COL11A1: variants seen among roughly 807,000 people sequenced by gnomAD.
The protein encoded by COL11A1 is collagen type XI alpha 1 chain.
A neutral mutation model predicts 265.2 loss-of-function variants in COL11A1; 74 were observed. That is an observed-to-expected ratio of 0.28 (90% confidence interval 0.23 to 0.34). The LOEUF (loss-of-function observed/expected upper bound fraction) is 0.34. COL11A1 is among the 10% of genes least tolerant of loss of function. COL11A1 has a pLI of 1.00. For missense variants in COL11A1, 2,165 were observed against 2,263.6 expected (o/e 0.96, Z 0.88); for synonymous variants, 816 against 727.6 (o/e 1.12, Z -1.96).
At chr1:103,008,770 T>A (rs1348077043) in intron 14 of COL11A1, among the ~76,000 whole-genome samples, 1 of 152,200 alleles carries the variant, frequency 6.6e-6, no homozygotes. Context: ...GCTAACCTCA[T>A]GAAATCACAT....
At chr1:103,107,279 TC>T (rs1280572839) in intron 1 of COL11A1, among the ~76,000 whole-genome samples, 2 of 96,916 alleles carry the variant, frequency 2.1e-5, no homozygotes, top group African/African-American at 7.6e-5. Context: ...CCACACCCCC[TC>T]CCCTTCCCTC....
chr1:102,891,324 C>T (rs574195459), intron 57 of COL11A1, among the ~76,000 whole-genome samples: 17 of 152,142 alleles, frequency 1.1e-4, no homozygotes, highest in Non-Finnish European at 2.2e-4. Context: ...CAAGATGGTA[C>T]TTTCAGCTGT....
At chr1:102,889,183 T>C (rs1007440498) in intron 59 of COL11A1, among the ~76,000 whole-genome samples, 1 of 152,164 alleles carries the variant, frequency 6.6e-6, no homozygotes, top group African/African-American at 2.4e-5. Flanking sequence ...CCTTTATCCC[T>C]CAGAATATGA....
At position 102,974,712 on chromosome 1, in the gene COL11A1, G is replaced by A. The variant is rs1662297069; in HGVS notation, c.2808+118C>T. On this transcript the variant is annotated intron_variant, in intron 36 of 66. Coordinates refer to ENST00000370096, the MANE Select transcript of COL11A1 (RefSeq NM_001854.4). Reference sequence around the variant, plus strand: ...ATGTCTACTTTCTTTGACATCAATTGTAATTTTACAGAGATTTTATCAATA... The same window carrying A: ...ATGTCTACTTTCTTTGACATCAATTATAATTTTACAGAGATTTTATCAATA... 3 of 763,572 alleles carry A rather than the reference G, an allele frequency of 3.9e-6. No individual in the cohort carries two copies. In the South Asian group the frequency reaches 5.1e-5, roughly 13 times the overall value. The allele number at this position is 763,572 out of a possible 1,614,324, so 47.3% of individuals were successfully genotyped here.
intron 4 of COL11A1, among the ~76,000 whole-genome samples, chr1:103,042,092 C>A (rs1009638099): frequency 3.3e-5 from 5 of 151,948 alleles, no homozygotes; most frequent in Non-Finnish European, 4.4e-5. Flanking sequence ...ATTTTAACAG[C>A]CAGGTTACTT....
chr1:103,016,728 A>G (rs905127617), intron 11 of COL11A1, among the ~76,000 whole-genome samples: 4 of 152,022 alleles, frequency 2.6e-5, no homozygotes, highest in Non-Finnish European at 5.9e-5. Flanking sequence ...GCAAAATTAT[A>G]TTTTATTTAG....
chr1:102,998,838 T>G (rs536117028), intron 24 of COL11A1, among the ~76,000 whole-genome samples: 1 of 151,894 alleles, frequency 6.6e-6, no homozygotes, highest in Non-Finnish European at 1.5e-5. Flanking sequence ...TAGTTATTCA[T>G]AGGAAATGAA....
intron 54 of COL11A1, among the ~76,000 whole-genome samples, chr1:102,910,679 T>C (rs1300191607): frequency 6.6e-6 from 1 of 152,126 alleles, no homozygotes; most frequent in Admixed American, 6.6e-5. Flanking sequence ...TGATTTTTTT[T>C]TTTATTGTGT....
At chr1:103,040,571 G>A (rs6700031) in intron 4 of COL11A1, among the ~76,000 whole-genome samples, 141,815 of 151,500 alleles carry the variant, frequency 0.94, 66,613 homozygotes, top group East Asian at 1. Flanking sequence ...TTCTTTAAAT[G>A]ATTAACATTT....
At position 102,882,178 on chromosome 1, in the gene COL11A1, A is replaced by G. The variant is rs962500446; in HGVS notation, c.4972-413T>C. Among the ~76,000 whole-genome samples the G allele has an allele frequency of 4.6e-5, 7 of 152,106 alleles. No homozygotes were observed. In the East Asian group the frequency reaches 1.2e-3, roughly 25 times the overall value. Reference sequence around the variant, plus strand: ...CCAAGGAACATGTTTGAAAGTATTTAGCCAGTAGCTAAGGAGATATACTGT... The same window carrying G: ...CCAAGGAACATGTTTGAAAGTATTTGGCCAGTAGCTAAGGAGATATACTGT... On this transcript the variant is annotated intron_variant, in intron 64 of 66. Transcript: ENST00000370096.
At chr1:102,999,711 A>G (rs1664943077) in intron 24 of COL11A1, among the ~76,000 whole-genome samples, 2 of 151,914 alleles carry the variant, frequency 1.3e-5, no homozygotes, top group African/African-American at 4.8e-5. Flanking sequence ...AAAACATATG[A>G]CATTAGTTAA....
chr1:103,050,123 T>C (rs1379346004), intron 4 of COL11A1, among the ~76,000 whole-genome samples: 3 of 152,208 alleles, frequency 2.0e-5, no homozygotes, highest in Admixed American at 6.5e-5. Flanking sequence ...GTTCTCTGTA[T>C]TTCCTAAATT....
intron 41 of COL11A1, among the ~76,000 whole-genome samples, chr1:102,959,993 T>C (rs1030495968): frequency 6.6e-6 from 1 of 152,198 alleles, no homozygotes; most frequent in African/African-American, 2.4e-5. Flanking sequence ...TGCATTTTAC[T>C]GAAATTTTAG....
chr1:103,031,990 T>G (rs1668033699), intron 4 of COL11A1, among the ~76,000 whole-genome samples: 1 of 128,594 alleles, frequency 7.8e-6, no homozygotes, highest in African/African-American at 3.1e-5. Flanking sequence ...TTTTGGAAAC[T>G]GCAAACAAGA....
Position 103,015,669 on chromosome 1 carries a change from G to T in COL11A1, c.1487C>A (p.Pro496Gln). 4 of 1,603,196 alleles carry T rather than the reference G, an allele frequency of 2.5e-6. No homozygotes were observed. Among genetic ancestry groups the T allele is most frequent in the Non-Finnish European group, 3.4e-6 (4 of 1,173,192 alleles). Reference protein sequence around the residue: ...PGPPGTMLMLPFRYGGDGSKG... With the variant: ...PGPPGTMLMLQFRYGGDGSKG... ...TCTATAACATAAAAAAGAACATACC[G>T]GTAACATCAACATAGTACCAGGAGG... Residue 496 changes from proline to glutamine, a missense_variant and splice_region_variant, in exon 12 of 67, where the codon CCG becomes CAG. Coordinates refer to ENST00000370096, the MANE Select transcript of COL11A1 (RefSeq NM_001854.4).
chr1:102,933,164 T>C (rs375181668), intron 46 of COL11A1, among the ~76,000 whole-genome samples: 79 of 149,080 alleles, frequency 5.3e-4, no homozygotes, highest in Middle Eastern at 3.4e-3. Context: ...GGAGGAGAGG[T>C]GCTCTGCTTT....
chr1:103,070,571 AG>A (rs779491877), intron 4 of COL11A1, among the ~76,000 whole-genome samples: 27 of 151,954 alleles, frequency 1.8e-4, no homozygotes, highest in Non-Finnish European at 3.7e-4. Flanking sequence ...GAATTAAAAA[AG>A]ATGATAAGGA....
intron 9 of COL11A1, among the ~76,000 whole-genome samples, chr1:103,019,825 G>A (rs904214315): frequency 6.7e-6 from 1 of 148,860 alleles, no homozygotes; most frequent in Non-Finnish European, 1.5e-5. Context: ...ACCTATGAGT[G>A]AGAATACGCA....
chr1:102,997,041 T>C lies in COL11A1; in HGVS notation c.2241+39A>G, dbSNP rs184767366. ...AATTAAGGCATTTTCTCTTGGAAAT[T>C]TATTAATAGGACATTTAAATGGATA... On this transcript the variant is annotated intron_variant, in intron 26 of 66. Coordinates refer to ENST00000370096, the MANE Select transcript of COL11A1 (RefSeq NM_001854.4). The C allele has an allele frequency of 5.0e-5, 78 of 1,567,158 alleles. No homozygotes were observed. The Admixed American group carries it at 1.1e-3, about 21-fold the overall frequency.
Sources: allele counts gnomAD v4.1 joint callset (sites outside exome capture counted in the v4.1 genomes callset), GRCh38; gene constraint gnomAD v4.1.1; transcripts MANE v1.5; gene names NCBI Gene and HGNC (gene_info 2026-07-23, HGNC 2026-07-21).